The following FOXO1 variants were observed in gnomAD, a reference collection of about 807,000 sequenced individuals.
FOXO1 encodes the protein forkhead box O1.
Under a neutral mutation model 44.1 loss-of-function variants are expected in FOXO1, and 6 were observed. That is an observed-to-expected ratio of 0.14 (90% confidence interval 0.07 to 0.27). The LOEUF is 0.27. FOXO1 is among the 10% of genes least tolerant of loss of function. The probability of loss-of-function intolerance (pLI) is 1.00; values close to 1 mark genes in which losing one functional copy is unlikely to be tolerated. For synonymous variants in FOXO1, 380 were observed against 362.7 expected, an observed-to-expected ratio of 1.05 and a Z score of -0.54; for missense variants, 737 against 888.8, an observed-to-expected ratio of 0.83 and a Z score of 2.17.
At chr13:40,656,949 G>C in intron 1 of FOXO1, among the ~76,000 whole-genome samples, 1 of 151,716 alleles carries the variant, frequency 6.6e-6, no homozygotes. Context: ...TCCCGCCTCA[G>C]CCTCCCGAGT....
At chr13:40,597,994 C>G (rs1429502472) in intron 1 of FOXO1, among the ~76,000 whole-genome samples, 1 of 152,134 alleles carries the variant, frequency 6.6e-6, no homozygotes. Context: ...GCTTTCCCAG[C>G]CTCAGAGAAT....
At chr13:40,664,823 CA>C (rs2137948939) in intron 1 of FOXO1, among the ~76,000 whole-genome samples, 1 of 151,738 alleles carries the variant, frequency 6.6e-6, no homozygotes, top group Non-Finnish European at 1.5e-5. Context: ...CCGCCACCGC[CA>C]CCGCCACCGC....
intron 1 of FOXO1, among the ~76,000 whole-genome samples, chr13:40,585,600 G>GT (rs1875134551): frequency 5.9e-5 from 9 of 152,112 alleles, no homozygotes; most frequent in Admixed American, 5.9e-4. Flanking sequence ...AGTGCAATTC[G>GT]TATTTGCCCT....
intron 1 of FOXO1, among the ~76,000 whole-genome samples, chr13:40,563,825 AC>A (rs1185233627): frequency 2.0e-5 from 3 of 152,194 alleles, no homozygotes; most frequent in Non-Finnish European, 4.4e-5. Flanking sequence ...CCCCAGCCGA[AC>A]CGAGTTCTTA....
rs539804598 is a variant in FOXO1 at position 40,584,658 on chromosome 13, T to C, written c.631-23798A>G. 4.0e-5 allele frequency among the ~76,000 whole-genome samples: 6 copies of C among 151,894 alleles called. No homozygotes were observed. The South Asian group carries it at 1.2e-3, about 32-fold the overall frequency. Reference sequence around the variant, plus strand: ...AGTGAGACCCCATCTCAAACAAACATTATATATATATTTGGATATTATTTG... The same window carrying C: ...AGTGAGACCCCATCTCAAACAAACACTATATATATATTTGGATATTATTTG... On this transcript the variant is annotated intron_variant, in intron 1 of 2. Transcript: ENST00000379561.
chr13:40,601,644 A>C (rs1875817808), intron 1 of FOXO1, among the ~76,000 whole-genome samples: 2 of 152,336 alleles, frequency 1.3e-5, no homozygotes, highest in East Asian at 3.9e-4. Flanking sequence ...TACTTTAAAA[A>C]ATTTCTGTTA....
chr13:40,562,992 A>G (rs1484291732), intron 1 of FOXO1, among the ~76,000 whole-genome samples: 3 of 152,224 alleles, frequency 2.0e-5, no homozygotes, highest in Admixed American at 2.0e-4. Context: ...GCTCCCAAGG[A>G]GTGGGATTCT....
intron 1 of FOXO1, among the ~76,000 whole-genome samples, chr13:40,625,706 T>C (rs910577974): frequency 1.3e-5 from 2 of 152,000 alleles, no homozygotes; most frequent in Non-Finnish European, 2.9e-5. Context: ...AATGTGATTA[T>C]ATGATCTTGT....
In FOXO1 at chr13:40,665,754, G is replaced by A; in HGVS notation, c.459C>T (p.Ser153=). ...GPLAGQPRKS[S]SSRRNAWGNL... ...TGCCCCACGCGTTGCGGCGGGACGA[G>A]CTGCTCTTGCGCGGCTGCCCCGCGA... is the stretch of plus-strand genomic sequence containing the variant. The change falls in exon 1 of 3, where the codon AGC becomes AGT. Residue 153 remains serine (S), a synonymous_variant. Transcript: ENST00000379561. The A allele has an allele frequency of 7.1e-7, 1 of 1,403,856 alleles. No individual in the cohort carries two copies. The highest frequency in any genetic ancestry group is 9.4e-7 in the Non-Finnish European group (1 of 1,062,486). 87.0% of individuals were successfully genotyped at this position (1,403,856 alleles called of 1,614,324 possible).
At chr13:40,600,994 T>A (rs1045315615) in intron 1 of FOXO1, among the ~76,000 whole-genome samples, 1 of 152,190 alleles carries the variant, frequency 6.6e-6, no homozygotes, top group African/African-American at 2.4e-5. Flanking sequence ...GGGTTTGCAG[T>A]TAATGTATGT....
chr13:40,588,917 C>A (rs1875271144), intron 1 of FOXO1, among the ~76,000 whole-genome samples: 1 of 152,016 alleles, frequency 6.6e-6, no homozygotes, highest in Admixed American at 6.6e-5. Context: ...CCAGCCTGGC[C>A]AACATGGTAA....
chr13:40,621,719 T>C (rs1193397223), intron 1 of FOXO1, among the ~76,000 whole-genome samples: 1 of 152,228 alleles, frequency 6.6e-6, no homozygotes, highest in Non-Finnish European at 1.5e-5. Context: ...TTCATAGGCT[T>C]AGTATTTATG....
In FOXO1 at chr13:40,665,749, G is replaced by A. The variant is rs1245991053; in HGVS notation, c.464C>T (p.Ser155Phe). The A allele has an allele frequency of 7.0e-6, 10 of 1,420,142 alleles. No individual in the cohort carries two copies. Among genetic ancestry groups the A allele is most frequent in the Non-Finnish European group, 9.3e-6 (10 of 1,071,306 alleles). 88.0% of individuals were successfully genotyped at this position (1,420,142 alleles called of 1,614,324 possible). A position where few individuals can be genotyped will look rare whatever the true frequency, so the allele number is the denominator to read the frequency against. The change falls in exon 1 of 3, where the codon TCC becomes TTC. Residue 155 changes from serine to phenylalanine, a missense_variant. By Grantham distance (155) the Ser-to-Phe change is radical. Around this residue, in one of 7 missense-constraint regions of FOXO1, gnomAD observed 213 missense variants for 236.4 expected, o/e 0.90. Transcript: ENST00000379561. ...CAGGTTGCCCCACGCGTTGCGGCGG[G>A]ACGAGCTGCTCTTGCGCGGCTGCCC... ...LAGQPRKSSS[S>F]RRNAWGNLSY...
chr13:40,621,360 G>C (rs948168573), intron 1 of FOXO1: 18 of 435,510 alleles, frequency 4.1e-5, no homozygotes, highest in Admixed American at 2.5e-4. Flanking sequence ...AAAGTGATGG[G>C]ATCTACTCAA....
intron 1 of FOXO1, among the ~76,000 whole-genome samples, chr13:40,628,095 G>A (rs1345725969): frequency 1.3e-5 from 2 of 151,902 alleles, no homozygotes; most frequent in Non-Finnish European, 2.9e-5. Flanking sequence ...TTATCAAAAT[G>A]TCAAAAACTG....
chr13:40,557,054 A>C lies in FOXO1; in HGVS notation c.*1995T>G, dbSNP rs1367594837. The C allele has an allele frequency of 1.3e-5, 2 of 152,234 alleles. No individual in the cohort carries two copies. Among genetic ancestry groups the C allele is most frequent in the African/African-American group, 4.8e-5 (2 of 41,456 alleles). 9.4% of individuals were successfully genotyped at this position (152,234 alleles called of 1,614,324 possible). A position where few individuals can be genotyped will look rare whatever the true frequency, so the allele number is the denominator to read the frequency against. On this transcript the variant is annotated 3_prime_UTR_variant, in exon 3 of 3. Coordinates refer to ENST00000379561, the MANE Select transcript of FOXO1 (RefSeq NM_002015.4). Reference sequence around the variant, plus strand: ...CAAAAAAATGATCATCACAGTGGGAAGCTTACAATAGAGCTGGCTTACTGT... The same window carrying C: ...CAAAAAAATGATCATCACAGTGGGACGCTTACAATAGAGCTGGCTTACTGT...
rs74857105 is a variant in FOXO1 at position 40,664,278 on chromosome 13, G to A, written c.630+1305C>T. 1.1e-3 allele frequency among the ~76,000 whole-genome samples: 163 copies of A among 152,274 alleles called. 4 individuals are homozygous for A. The East Asian group carries it at 0.019, about 18-fold the overall frequency. The stretch of plus-strand genomic sequence containing the variant: ...CAGAGCGAGACTCCGTCTCGGAGGA[G>A]GGGAGGGAGGTGTTTAGCTCAACTA... On this transcript the variant is annotated intron_variant, in intron 1 of 2. Coordinates refer to ENST00000379561, the MANE Select transcript of FOXO1 (RefSeq NM_002015.4).
At chr13:40,633,826 A>G (rs1328588474) in intron 1 of FOXO1, among the ~76,000 whole-genome samples, 1 of 152,226 alleles carries the variant, frequency 6.6e-6, no homozygotes, top group Non-Finnish European at 1.5e-5. Flanking sequence ...AAAGATACAT[A>G]GTCACAGTAA....
intron 1 of FOXO1, among the ~76,000 whole-genome samples, chr13:40,581,123 G>A (rs1874940010): frequency 6.6e-6 from 1 of 152,106 alleles, no homozygotes; most frequent in African/African-American, 2.4e-5. Flanking sequence ...GACTTTTCTG[G>A]GACACAACAG....
Sources: gnomAD v4.1 joint callset for allele counts (sites outside exome capture counted in the v4.1 genomes callset) on GRCh38, gnomAD v4.1.1 for gene constraint, gnomAD v4.1.1 regional missense constraint, MANE v1.5 for transcripts, NCBI Gene and HGNC (gene_info 2026-07-23, HGNC 2026-07-21) for gene names.